Variants in STK3 observed in about 807,000 individuals in gnomAD.
The protein encoded by STK3 is serine/threonine-protein kinase 3.
Under a neutral mutation model 58.0 loss-of-function variants are expected in STK3, and 41 were observed. The ratio of observed to expected loss-of-function variants is 0.71; its 90% CI spans 0.55 to 0.92. The LOEUF (loss-of-function observed/expected upper bound fraction) is 0.92, where lower values mean the gene tolerates loss of function less well. Among genes scored for constraint, STK3 ranks in the 40% least tolerant of loss-of-function variants. The probability of loss-of-function intolerance (pLI) is 0.00; values close to 1 mark genes in which losing one functional copy is unlikely to be tolerated. For synonymous variants in STK3, 170 were observed against 191.0 expected (o/e 0.89, Z 0.91); for missense variants, 479 against 602.7 (o/e 0.79, Z 2.15).
rs373055146 is a variant in STK3 at position 98,759,271 on chromosome 8, C to T, written c.236+7972G>A. ...ACTCTCCCTTTCACTTGAACCCTTACGGACCATTGTAGAATTACTAATTGG... is the reference window on the plus strand; with the variant it reads ...ACTCTCCCTTTCACTTGAACCCTTATGGACCATTGTAGAATTACTAATTGG... On this transcript the variant is annotated intron_variant, in intron 3 of 10. Coordinates refer to ENST00000419617, the MANE Select transcript of STK3 (RefSeq NM_006281.4). 2.8e-4 allele frequency among the ~76,000 whole-genome samples: 43 copies of T among 152,256 alleles called. 1 individual carries two copies. The East Asian group carries it at 4.4e-3, about 16-fold the overall frequency.
At position 98,653,408 on chromosome 8, in the gene STK3, T is replaced by G. The variant is rs547635948; in HGVS notation, c.684+53059A>C. On this transcript the variant is annotated intron_variant, in intron 6 of 10. Coordinates refer to ENST00000419617, the MANE Select transcript of STK3 (RefSeq NM_006281.4). ...AAGATCCAAAATTGACACCCTAATA[T>G]CACAATTAAAAGAACTAGAAAAGCA... Among the ~76,000 whole-genome samples the G allele has an allele frequency of 9.9e-5, 15 of 151,690 alleles. No individual in the cohort carries two copies. The East Asian group carries it at 2.9e-3, about 29-fold the overall frequency.
chr8:98,354,635 C>G, the STK3 span, among the ~76,000 whole-genome samples: 2 of 152,118 alleles, frequency 1.3e-5, no homozygotes, highest in African/African-American at 4.8e-5. Flanking sequence ...ATTGTTATAA[C>G]CCCCATACAT....
intron 10 of STK3, among the ~76,000 whole-genome samples, chr8:98,480,337 G>A (rs1012705978): frequency 6.6e-6 from 1 of 151,912 alleles, no homozygotes; most frequent in Non-Finnish European, 1.5e-5. Context: ...TGGAATCATC[G>A]GACTTCTCTT....
chr8:98,866,998 G>A (rs377134493), intron 3 of STK3, among the ~76,000 whole-genome samples: 16 of 152,302 alleles, frequency 1.1e-4, no homozygotes, highest in African/African-American at 3.8e-4. Flanking sequence ...GACAGGAGGG[G>A]AGGGAGGGGA....
chr8:98,905,225 T>C, intron 1 of STK3: 2 of 881,940 alleles, frequency 2.3e-6, no homozygotes, highest in Non-Finnish European at 3.9e-6. Flanking sequence ...GTCGGGCTTG[T>C]GGACAACTAC....
At chr8:98,372,752 A>G (rs1817624479) in intron 2 of STK3, among the ~76,000 whole-genome samples, 1 of 152,234 alleles carries the variant, frequency 6.6e-6, no homozygotes, top group Non-Finnish European at 1.5e-5. Context: ...GAGGAGGCAG[A>G]GCAGGATAAT....
intron 6 of STK3, among the ~76,000 whole-genome samples, chr8:98,637,518 G>A (rs559851965): frequency 3.9e-5 from 6 of 152,144 alleles, no homozygotes; most frequent in African/African-American, 7.2e-5. Flanking sequence ...CCAACCATAC[G>A]GCTAACATTA....
chr8:98,914,179 C>A (rs779835787), intron 1 of STK3, among the ~76,000 whole-genome samples: 1 of 151,932 alleles, frequency 6.6e-6, no homozygotes, highest in Non-Finnish European at 1.5e-5. Flanking sequence ...CAGCCAGGTG[C>A]GGTGGCTCAC....
intron 6 of STK3, among the ~76,000 whole-genome samples, chr8:98,610,647 G>A (rs1237830742): frequency 6.6e-6 from 1 of 152,160 alleles, no homozygotes; most frequent in African/African-American, 2.4e-5. Context: ...CAGGGAAGAT[G>A]CCCGCATAGG....
intron 3 of STK3, among the ~76,000 whole-genome samples, chr8:98,403,300 T>C (rs1478346954): frequency 6.6e-6 from 1 of 152,222 alleles, no homozygotes; most frequent in African/African-American, 2.4e-5. Context: ...GCTTAACTCT[T>C]CTGAGCCTGG....
At chr8:98,474,739 G>A (rs1269457475) in intron 10 of STK3, among the ~76,000 whole-genome samples, 1 of 152,060 alleles carries the variant, frequency 6.6e-6, no homozygotes, top group Non-Finnish European at 1.5e-5. Flanking sequence ...AATTTTCCCT[G>A]TAAGCATACT....
chr8:98,706,105 AG>A (rs1478859425), intron 6 of STK3, among the ~76,000 whole-genome samples: 1 of 152,142 alleles, frequency 6.6e-6, no homozygotes, highest in Non-Finnish European at 1.5e-5. Flanking sequence ...TGGGTAAAAA[AG>A]TGAGAAATGA....
At chr8:98,407,524 G>A (rs1199595921) in intron 3 of STK3, among the ~76,000 whole-genome samples, 1 of 152,238 alleles carries the variant, frequency 6.6e-6, no homozygotes, top group Non-Finnish European at 1.5e-5. Flanking sequence ...GACTTAGAGA[G>A]CTGTAAAGTT....
chr8:98,547,896 G>T, intron 9 of STK3, 73 bp downstream of exon 9: 3 of 1,331,220 alleles, frequency 2.3e-6, no homozygotes, highest in South Asian at 4.3e-5. Flanking sequence ...AAGTAACACA[G>T]AACTAGCCTG....
chr8:98,498,860 T>C (rs897818751), intron 10 of STK3, among the ~76,000 whole-genome samples: 7 of 152,192 alleles, frequency 4.6e-5, no homozygotes, highest in Admixed American at 3.9e-4. Flanking sequence ...GATCAGTCCT[T>C]AAACCATGCA....
intron 7 of STK3, among the ~76,000 whole-genome samples, chr8:98,590,698 C>T (rs1032197399): frequency 2.0e-5 from 3 of 152,134 alleles, no homozygotes; most frequent in African/African-American, 7.2e-5. Flanking sequence ...AAGTATGCCT[C>T]ATGTAGAAAC....
At chr8:98,530,276 T>C (rs979164082) in intron 9 of STK3, among the ~76,000 whole-genome samples, 1 of 152,182 alleles carries the variant, frequency 6.6e-6, no homozygotes, top group African/African-American at 2.4e-5. Context: ...TTAAGCCTAG[T>C]ACCCATTTGT....
chr8:98,713,413 A>C lies in STK3; in HGVS notation c.352-6102T>G, dbSNP rs1222256928. On this transcript the variant is annotated intron_variant, in intron 4 of 10. Coordinates refer to ENST00000419617, the MANE Select transcript of STK3 (RefSeq NM_006281.4). ...ACTAATAGAAAAGAGAGAAGAATCA[A>C]ATAGAAGCAATAAAAAAATGATAAA... Among the ~76,000 whole-genome samples the C allele has an allele frequency of 3.3e-5, 5 of 152,310 alleles. No individual in the cohort carries two copies. In the East Asian group the frequency reaches 9.6e-4, roughly 29 times the overall value.
chr8:98,384,650 T>C (rs1248188755), intron 1 of STK3, among the ~76,000 whole-genome samples: 1 of 152,106 alleles, frequency 6.6e-6, no homozygotes, highest in Non-Finnish European at 1.5e-5. Flanking sequence ...TCTCAGGCCC[T>C]TTCATGGATT....
Sources: allele counts gnomAD v4.1 joint callset (sites outside exome capture counted in the v4.1 genomes callset), GRCh38; gene constraint gnomAD v4.1.1; transcripts MANE v1.5; gene names NCBI Gene and HGNC (gene_info 2026-07-23, HGNC 2026-07-21).